The following RGSL1 variants were observed in gnomAD, a reference collection of about 807,000 sequenced individuals.
RGSL1 encodes regulator of G protein signaling protein-like.
In RGSL1, 97 loss-of-function variants were observed where a neutral mutation model predicts 124.7. The ratio of observed to expected loss-of-function variants is 0.78; its 90% CI spans 0.66 to 0.92. RGSL1 has a LOEUF of 0.92. RGSL1 is among the 40% of genes least tolerant of loss of function. The probability of loss-of-function intolerance (pLI) is 0.00; values close to 1 mark genes in which losing one functional copy is unlikely to be tolerated. For synonymous variants in RGSL1, 424 were observed against 438.1 expected (o/e 0.97, Z 0.40); for missense variants, 1,233 against 1,288.4 (o/e 0.96, Z 0.66).
chr1:182,459,941 T>C (rs1007680345), intron 3 of RGSL1, 63 bp from the exon 4 acceptor site: 1 of 1,522,224 alleles, frequency 6.6e-7, no homozygotes, highest in Non-Finnish European at 8.8e-7. Context: ...ACTTACTAAG[T>C]TGTATTTTTT....
chr1:182,554,204 G>A (rs896381232), intron 19 of RGSL1, among the ~76,000 whole-genome samples: 1 of 152,122 alleles, frequency 6.6e-6, no homozygotes, highest in African/African-American at 2.4e-5. Flanking sequence ...CTTCTCACAG[G>A]CATGAAATGC....
intron 9 of RGSL1, among the ~76,000 whole-genome samples, chr1:182,514,127 A>C (rs944516570): frequency 6.6e-6 from 1 of 152,098 alleles, no homozygotes; most frequent in African/African-American, 2.4e-5. Context: ...TCCTGACCTA[A>C]GGTGATCCAC....
At chr1:182,520,513 T>C (rs1658255336) in intron 9 of RGSL1, among the ~76,000 whole-genome samples, 1 of 152,258 alleles carries the variant, frequency 6.6e-6, no homozygotes, top group Non-Finnish European at 1.5e-5. Flanking sequence ...TGCAAATGCC[T>C]TTAGGGTGGC....
intron 6 of RGSL1, among the ~76,000 whole-genome samples, chr1:182,481,213 A>G (rs1367350704): frequency 6.6e-6 from 1 of 152,140 alleles, no homozygotes; most frequent in Non-Finnish European, 1.5e-5. Flanking sequence ...CTAGGCTTAA[A>G]AAAAAGAGAG....
chr1:182,545,515 G>A (rs1316153781), intron 15 of RGSL1, among the ~76,000 whole-genome samples: 1 of 152,126 alleles, frequency 6.6e-6, no homozygotes. Context: ...TACCTTCAAA[G>A]GCTTCCTTCT....
At chr1:182,460,286 CT>C (rs1294505305) in intron 4 of RGSL1, among the ~76,000 whole-genome samples, 153 bp downstream of exon 4, 1 of 151,886 alleles carries the variant, frequency 6.6e-6, no homozygotes, top group Non-Finnish European at 1.5e-5. Context: ...GATCTTATGC[CT>C]GTCAGTACTA....
chr1:182,476,663 C>T (rs1171406446), intron 6 of RGSL1, among the ~76,000 whole-genome samples: 1 of 152,188 alleles, frequency 6.6e-6, no homozygotes, highest in Non-Finnish European at 1.5e-5. Flanking sequence ...TGAGTGAGAA[C>T]CTTGAAAACA....
chr1:182,450,231 A>G, intron 1 of RGSL1, 53 bp downstream of exon 1: 1 of 1,547,420 alleles, frequency 6.5e-7, no homozygotes, highest in Non-Finnish European at 8.7e-7. Flanking sequence ...AAATAAGGCA[A>G]ACCATTCATC....
chr1:182,558,709 G>A (rs1220845658), intron 21 of RGSL1, among the ~76,000 whole-genome samples: 1 of 152,116 alleles, frequency 6.6e-6, no homozygotes, highest in Non-Finnish European at 1.5e-5. Context: ...GGTGGGTCAA[G>A]TCCTGCCCGT....
At chr1:182,507,270 T>C (rs1656888048) in intron 9 of RGSL1, 1 of 152,608 alleles carries the variant, frequency 6.6e-6, no homozygotes, top group South Asian at 2.1e-4. Context: ...ATTACAGGTA[T>C]GAGCCACTGT....
intron 16 of RGSL1, 38 bp downstream of exon 16, chr1:182,548,493 A>C: frequency 6.5e-7 from 1 of 1,549,238 alleles, no homozygotes. Context: ...CCTTTCACCA[A>C]GAAGCATTTC....
chr1:182,464,633 A>G (rs1245457568), intron 4 of RGSL1, among the ~76,000 whole-genome samples: 1 of 151,902 alleles, frequency 6.6e-6, no homozygotes, highest in Non-Finnish European at 1.5e-5. Context: ...CTGAGGCAGG[A>G]GAATCACTTG....
At chr1:182,535,841 C>T (rs887447038) in intron 14 of RGSL1, among the ~76,000 whole-genome samples, 1 of 152,008 alleles carries the variant, frequency 6.6e-6, no homozygotes, top group South Asian at 2.1e-4. Flanking sequence ...TTTAATTGTG[C>T]AATTTGATGA....
chr1:182,539,161 A>G (rs1378870143), intron 14 of RGSL1, among the ~76,000 whole-genome samples: 2 of 152,144 alleles, frequency 1.3e-5, no homozygotes, highest in African/African-American at 4.8e-5. Context: ...CTCCCCCTCT[A>G]CCACCAGAGC....
chr1:182,457,809 T>C (rs1172893816), intron 2 of RGSL1, among the ~76,000 whole-genome samples: 2 of 152,188 alleles, frequency 1.3e-5, no homozygotes, highest in African/African-American at 4.8e-5. Context: ...GGGGATGGTA[T>C]CCTAGAATTA....
chr1:182,472,418 G>C lies in RGSL1; in HGVS notation c.324G>C (p.Trp108Cys). 1 of 1,549,920 alleles carries C rather than the reference G, an allele frequency of 6.5e-7. No individual in the cohort carries two copies. The highest frequency in any genetic ancestry group is 8.7e-7 in the Non-Finnish European group (1 of 1,145,824). Residue 108 changes from tryptophan (W) to cysteine (C), a missense_variant, in exon 5 of 22, where the codon TGG becomes TGC. Physicochemically the swap from Trp to Cys is radical, Grantham distance 215. Coordinates refer to ENST00000294854, the MANE Select transcript of RGSL1 (RefSeq NM_001137669.2). ...TAGGTGAAGAATTGGTGGATTTCTG[G>C]ATCCTTGCTGAGAACATCCTGAGCA... ...PEGGEELVDFWILAENILSID... is the reference protein window; with the variant it reads ...PEGGEELVDFCILAENILSID...
At chr1:182,497,816 T>C (rs1656044765) in intron 9 of RGSL1, among the ~76,000 whole-genome samples, 1 of 152,232 alleles carries the variant, frequency 6.6e-6, no homozygotes, top group Non-Finnish European at 1.5e-5. Flanking sequence ...TTCAGGTTAT[T>C]CAGAAATATC....
At chr1:182,490,226 G>A (rs1374858903) in intron 8 of RGSL1, among the ~76,000 whole-genome samples, 1 of 152,182 alleles carries the variant, frequency 6.6e-6, no homozygotes, top group Non-Finnish European at 1.5e-5. Context: ...GTGAGCAAAA[G>A]CTTTGAAAAT....
chr1:182,506,947 G>A, intron 9 of RGSL1, among the ~76,000 whole-genome samples: 1 of 144,658 alleles, frequency 6.9e-6, no homozygotes, highest in South Asian at 2.2e-4. Context: ...ATAGATTGTT[G>A]TAAGCTATAT....
Sources: gnomAD v4.1 joint callset for allele counts (sites outside exome capture counted in the v4.1 genomes callset) on GRCh38, gnomAD v4.1.1 for gene constraint, MANE v1.5 for transcripts, NCBI Gene and HGNC (gene_info 2026-07-23, HGNC 2026-07-21) for gene names.